Variants in ESRRG observed in about 807,000 individuals in gnomAD.
The protein encoded by ESRRG is estrogen-related receptor gamma.
Under a neutral mutation model 44.0 loss-of-function variants are expected in ESRRG, and 13 were observed. The ratio of observed to expected loss-of-function variants is 0.30; its 90% CI spans 0.19 to 0.47. The LOEUF (loss-of-function observed/expected upper bound fraction) is 0.47, where lower values mean the gene tolerates loss of function less well. ESRRG is among the 20% of genes least tolerant of loss of function. The pLI, the probability that ESRRG is intolerant of heterozygous loss-of-function variation, is 1.00. For missense variants in ESRRG, 395 were observed against 580.6 expected (o/e 0.68, Z 3.29); for synonymous variants, 215 against 214.6 (o/e 1.00, Z -0.02).
intron 3 of ESRRG, among the ~76,000 whole-genome samples, chr1:216,580,699 T>C (rs1233743749): frequency 2.6e-5 from 4 of 152,166 alleles, no homozygotes; most frequent in Non-Finnish European, 5.9e-5. Context: ...GTTCTAAAAG[T>C]CTATGAATGA....
intron 1 of ESRRG, among the ~76,000 whole-genome samples, chr1:216,981,093 T>C (rs575113960): frequency 5.9e-5 from 9 of 152,298 alleles, no homozygotes; most frequent in Admixed American, 5.2e-4. Context: ...TGAAGCAATA[T>C]CCACAGGTAC....
At chr1:216,642,495 A>T (rs2066650968) in intron 3 of ESRRG, among the ~76,000 whole-genome samples, 1 of 152,124 alleles carries the variant, frequency 6.6e-6, no homozygotes, top group Admixed American at 6.6e-5. Context: ...GCTTAATGTC[A>T]AGACGAAGCT....
rs144207187 is a variant in ESRRG at position 216,898,045 on chromosome 1, T to C, written c.-14+41537A>G. Among the ~76,000 whole-genome samples the C allele has an allele frequency of 3.9e-4, 60 of 152,282 alleles. No homozygotes were observed. In the Middle Eastern group the frequency reaches 0.02, roughly 52 times the overall value. ...TGTTAAACCACCACTTCGCAAATTA[T>C]AAGGTTGAAATGAGATAATAAAGTT... On this transcript the variant is annotated intron_variant, in intron 2 of 7. Coordinates refer to the ESRRG transcript ENST00000359162.
intron 3 of ESRRG, among the ~76,000 whole-genome samples, chr1:216,573,969 T>A (rs932990814): frequency 1.1e-4 from 17 of 152,076 alleles, no homozygotes; most frequent in African/African-American, 3.9e-4. Context: ...CAAATATTTC[T>A]ACTAAAGGTG....
In ESRRG at chr1:216,541,403, A is replaced by C. The variant is rs759814075; in HGVS notation, c.863-21982T>G. Among the ~76,000 whole-genome samples, 15 of 152,176 alleles carry C rather than the reference A, an allele frequency of 9.9e-5. 1 individual carries two copies. The highest frequency in any genetic ancestry group is 3.4e-3 in the Middle Eastern group (1 of 294). On this transcript the variant is annotated intron_variant, in intron 5 of 6. Coordinates refer to ENST00000408911, the MANE Select transcript of ESRRG (RefSeq NM_001438.4). Reference sequence around the variant, plus strand: ...ACAGGCAAATTCAATAGGATCACAGAAGGATTGAGAGCTAAATGTTATCTC... The same window carrying C: ...ACAGGCAAATTCAATAGGATCACAGCAGGATTGAGAGCTAAATGTTATCTC...
Position 216,614,202 on chromosome 1 carries a change from C to T in ESRRG, c.589+36771G>A, listed in dbSNP as rs115027166. ...CGGCCTCAGAGCGATTAAATTGTGG[C>T]GGAGATGGAGGGCCTTCCGCTCCCA... On this transcript the variant is annotated intron_variant, in intron 3 of 6. Coordinates refer to ENST00000408911, the MANE Select transcript of ESRRG (RefSeq NM_001438.4). Among the ~76,000 whole-genome samples, 322 of 152,322 alleles carry T rather than the reference C, an allele frequency of 2.1e-3. 1 individual carries two copies. The highest frequency in any genetic ancestry group is 7.3e-3 in the African/African-American group (303 of 41,572).
At chr1:216,631,617 T>C (rs1490176630) in intron 3 of ESRRG, among the ~76,000 whole-genome samples, 2 of 152,078 alleles carry the variant, frequency 1.3e-5, no homozygotes, top group Non-Finnish European at 2.9e-5. Flanking sequence ...AAAAACCTAA[T>C]TTAGGTCTTT....
intron 3 of ESRRG, among the ~76,000 whole-genome samples, chr1:216,589,903 CAAAAAAA>C (rs58458686): frequency 1.9e-4 from 6 of 32,240 alleles, no homozygotes; most frequent in East Asian, 9.9e-4. Context: ...AACTCTGTCT[CAAAAAAA>C]AAAAAAAAAA....
At chr1:216,886,087 G>A (rs920194090) in intron 2 of ESRRG, among the ~76,000 whole-genome samples, 21 of 152,060 alleles carry the variant, frequency 1.4e-4, no homozygotes, top group African/African-American at 5.1e-4. Context: ...TGAATTGCTA[G>A]AGTAAGCCTA....
At chr1:216,956,882 AG>A (rs1335452718) in intron 1 of ESRRG, among the ~76,000 whole-genome samples, 1 of 152,220 alleles carries the variant, frequency 6.6e-6, no homozygotes, top group Non-Finnish European at 1.5e-5. Context: ...CAAAACCAAA[AG>A]GTTAACCAAA....
intron 2 of ESRRG, among the ~76,000 whole-genome samples, chr1:216,840,286 A>G (rs2095631491): frequency 6.6e-6 from 1 of 152,180 alleles, no homozygotes. Context: ...CTTAAACCTC[A>G]TGAACCAACC....
intron 2 of ESRRG, among the ~76,000 whole-genome samples, chr1:216,898,699 C>T (rs1366031020): frequency 6.8e-6 from 1 of 147,256 alleles, no homozygotes; most frequent in Non-Finnish European, 1.5e-5. Flanking sequence ...AGCTTTTATA[C>T]CCTGAAAGTG....
chr1:216,970,499 T>G (rs996678152), intron 1 of ESRRG, among the ~76,000 whole-genome samples: 1 of 152,216 alleles, frequency 6.6e-6, no homozygotes, highest in Non-Finnish European at 1.5e-5. Context: ...GCCAATGACC[T>G]TGACAAGGTT....
intron 1 of ESRRG, among the ~76,000 whole-genome samples, chr1:216,964,598 G>A (rs963615181): frequency 1.3e-5 from 2 of 152,152 alleles, no homozygotes; most frequent in African/African-American, 4.8e-5. Context: ...CACTGAGCGT[G>A]AATCTGTATG....
chr1:216,916,440 C>T (rs1300995058), intron 2 of ESRRG, among the ~76,000 whole-genome samples: 5 of 152,176 alleles, frequency 3.3e-5, no homozygotes, highest in Non-Finnish European at 7.3e-5. Context: ...CATTAGCATC[C>T]GTTATTAGTT....
At chr1:217,099,707 A>G (rs1187922075) in intron 1 of ESRRG, among the ~76,000 whole-genome samples, 2 of 152,374 alleles carry the variant, frequency 1.3e-5, no homozygotes, top group East Asian at 3.9e-4. Flanking sequence ...AACGGCAGCC[A>G]GACTGTAACA....
chr1:217,085,223 A>C (rs1289980278), intron 1 of ESRRG, among the ~76,000 whole-genome samples: 2 of 152,110 alleles, frequency 1.3e-5, no homozygotes, highest in Non-Finnish European at 2.9e-5. Context: ...ACATACTACC[A>C]AGAATTTTTG....
At chr1:216,956,861 C>T (rs1281704111) in intron 1 of ESRRG, among the ~76,000 whole-genome samples, 1 of 152,038 alleles carries the variant, frequency 6.6e-6, no homozygotes, top group African/African-American at 2.4e-5. Flanking sequence ...AGCTTTCAAT[C>T]AAGGAATAAA....
At chr1:216,913,102 A>T (rs2060673354) in intron 2 of ESRRG, among the ~76,000 whole-genome samples, 1 of 134,810 alleles carries the variant, frequency 7.4e-6, no homozygotes, top group South Asian at 2.6e-4. Context: ...CCAGAGCGAG[A>T]CTCTGTCTCA....
Sources: gnomAD v4.1 joint callset for allele counts (sites outside exome capture counted in the v4.1 genomes callset) on GRCh38, gnomAD v4.1.1 for gene constraint, MANE v1.5 for transcripts, NCBI Gene and HGNC (gene_info 2026-07-23, HGNC 2026-07-21) for gene names.